The following MACROD2 variants were observed in gnomAD, a reference collection of about 807,000 sequenced individuals.
The protein encoded by MACROD2 is ADP-ribose glycohydrolase MACROD2.
In MACROD2, 36 loss-of-function variants were observed where a neutral mutation model predicts 70.4. The ratio of observed to expected loss-of-function variants is 0.51; its 90% CI spans 0.39 to 0.68. The LOEUF (loss-of-function observed/expected upper bound fraction) is 0.68. MACROD2 is among the 30% of genes least tolerant of loss of function. MACROD2 has a pLI of 0.00. For synonymous variants in MACROD2, 172 were observed against 178.8 expected, an observed-to-expected ratio of 0.96 and a Z score of 0.30; for missense variants, 496 against 538.4, an observed-to-expected ratio of 0.92 and a Z score of 0.78.
chr20:14,847,417 A>G (rs2073154250), intron 5 of MACROD2, among the ~76,000 whole-genome samples: 1 of 152,008 alleles, frequency 6.6e-6, no homozygotes, highest in African/African-American at 2.4e-5. Context: ...AAAATTAACA[A>G]GGAATTGAAG....
At chr20:14,839,663 A>G (rs1182328608) in intron 5 of MACROD2, among the ~76,000 whole-genome samples, 1 of 152,106 alleles carries the variant, frequency 6.6e-6, no homozygotes, top group Non-Finnish European at 1.5e-5. Flanking sequence ...ACCATTTAAC[A>G]TGATACTGGT....
intron 3 of MACROD2, among the ~76,000 whole-genome samples, chr20:14,480,229 T>C (rs910264168): frequency 6.6e-6 from 1 of 152,182 alleles, no homozygotes; most frequent in African/African-American, 2.4e-5. Flanking sequence ...CAGCAATCGT[T>C]CCAGAACAGC....
At chr20:14,562,583 G>T (rs1979510700) in intron 4 of MACROD2, among the ~76,000 whole-genome samples, 1 of 151,832 alleles carries the variant, frequency 6.6e-6, no homozygotes, top group South Asian at 2.1e-4. Flanking sequence ...AGGCCTATAT[G>T]CTCCAACCCT....
At chr20:15,584,882 A>G (rs541716395) in intron 8 of MACROD2, among the ~76,000 whole-genome samples, 6 of 152,316 alleles carry the variant, frequency 3.9e-5, no homozygotes, top group Non-Finnish European at 5.9e-5. Flanking sequence ...TGACCTGTCC[A>G]TGCCAGTGAC....
At chr20:15,733,368 T>C (rs1290084790) in intron 8 of MACROD2, among the ~76,000 whole-genome samples, 2 of 152,174 alleles carry the variant, frequency 1.3e-5, no homozygotes, top group African/African-American at 2.4e-5. Flanking sequence ...CTCTAATTTT[T>C]AGTGTCTCTT....
chr20:15,657,482 T>C (rs2049749205), intron 8 of MACROD2, among the ~76,000 whole-genome samples: 1 of 152,230 alleles, frequency 6.6e-6, no homozygotes, highest in Non-Finnish European at 1.5e-5. Context: ...GGTTAGTTTT[T>C]GGACATCCTT....
At chr20:15,567,028 T>A (rs2048319614) in intron 8 of MACROD2, among the ~76,000 whole-genome samples, 1 of 151,244 alleles carries the variant, frequency 6.6e-6, no homozygotes, top group Non-Finnish European at 1.5e-5. Context: ...TGTATTTTAC[T>A]AAGCAGATTT....
intron 7 of MACROD2, among the ~76,000 whole-genome samples, chr20:15,474,074 A>G (rs925538493): frequency 6.6e-6 from 1 of 152,210 alleles, no homozygotes; most frequent in East Asian, 1.9e-4. Flanking sequence ...ACGAGAATTA[A>G]TTATGTCTAA....
chr20:15,629,549 T>C (rs1241783537), intron 8 of MACROD2, among the ~76,000 whole-genome samples: 1 of 152,254 alleles, frequency 6.6e-6, no homozygotes, highest in East Asian at 1.9e-4. Flanking sequence ...TCTCCTGATA[T>C]TTAATCAGTG....
chr20:15,630,193 A>T (rs535471614), intron 8 of MACROD2, among the ~76,000 whole-genome samples: 2 of 152,324 alleles, frequency 1.3e-5, no homozygotes, highest in South Asian at 4.1e-4. Flanking sequence ...AGAAAGTTTG[A>T]CATATAGTGA....
chr20:14,701,744 C>G (rs1194137615), intron 5 of MACROD2, among the ~76,000 whole-genome samples: 1 of 152,098 alleles, frequency 6.6e-6, no homozygotes. Flanking sequence ...AGGAGAAATA[C>G]CCTTGTATAG....
chr20:15,828,976 G>A (rs2064026426), intron 8 of MACROD2, among the ~76,000 whole-genome samples: 1 of 151,950 alleles, frequency 6.6e-6, no homozygotes, highest in Admixed American at 6.6e-5. Context: ...TTAAAATGTT[G>A]GTGTTTCACC....
intron 6 of MACROD2, among the ~76,000 whole-genome samples, chr20:15,243,782 G>A (rs997941329): frequency 9.2e-5 from 14 of 151,788 alleles, no homozygotes; most frequent in Non-Finnish European, 1.6e-4. Flanking sequence ...GAAAATTAGC[G>A]GGGCGTAGTG....
At chr20:15,771,042 A>G (rs2051615993) in intron 8 of MACROD2, among the ~76,000 whole-genome samples, 1 of 152,196 alleles carries the variant, frequency 6.6e-6, no homozygotes, top group African/African-American at 2.4e-5. Context: ...CCAATTTTCC[A>G]CATTCTGCTA....
chr20:14,656,255 C>A (rs548078734), intron 4 of MACROD2, among the ~76,000 whole-genome samples: 1 of 152,198 alleles, frequency 6.6e-6, no homozygotes, highest in African/African-American at 2.4e-5. Flanking sequence ...TGCTCCCCCC[C>A]ACCCATTTTA....
chr20:15,062,618 C>T (rs2075541907), intron 5 of MACROD2, among the ~76,000 whole-genome samples: 1 of 152,142 alleles, frequency 6.6e-6, no homozygotes, highest in Admixed American at 6.6e-5. Context: ...TAATGCTCAA[C>T]TTAATTAATT....
intron 5 of MACROD2, among the ~76,000 whole-genome samples, chr20:15,027,159 G>C (rs955581702): frequency 2.0e-5 from 3 of 152,132 alleles, no homozygotes; most frequent in Admixed American, 6.5e-5. Context: ...AGGAGAAAAA[G>C]ACCTTTACTT....
At chr20:15,462,107 C>T (rs1055038294) in intron 7 of MACROD2, among the ~76,000 whole-genome samples, 3 of 152,082 alleles carry the variant, frequency 2.0e-5, no homozygotes, top group Non-Finnish European at 4.4e-5. Context: ...TCTGTAAGAG[C>T]TACGTGGAAT....
At chr20:15,503,082 T>G (rs2047384077) in intron 8 of MACROD2, among the ~76,000 whole-genome samples, 1 of 152,172 alleles carries the variant, frequency 6.6e-6, no homozygotes. Context: ...TAGAGCAAAC[T>G]GAATATTGAC....
Sources: gnomAD v4.1 joint callset for allele counts (sites outside exome capture counted in the v4.1 genomes callset) on GRCh38, gnomAD v4.1.1 for gene constraint, MANE v1.5 for transcripts, NCBI Gene and HGNC (gene_info 2026-07-23, HGNC 2026-07-21) for gene names.